The following EEA1 variants were observed in gnomAD, a reference collection of about 807,000 sequenced individuals.
EEA1 encodes early endosome antigen 1, also known as early endosome antigen 1, 162kD.
EEA1 carries 111 observed loss-of-function variants against 209.2 expected under a neutral mutation model. That is an observed-to-expected ratio of 0.53 (90% CI 0.45 to 0.62). The LOEUF (loss-of-function observed/expected upper bound fraction) is 0.62. Among genes scored for constraint, EEA1 ranks in the 20% least tolerant of loss-of-function variants. EEA1 has a pLI of 0.00. For missense variants in EEA1, 1,343 were observed against 1,530.8 expected, an observed-to-expected ratio of 0.88 and a Z score of 2.05; for synonymous variants, 536 against 540.6, an observed-to-expected ratio of 0.99 and a Z score of 0.12.
rs571486656 is a variant in EEA1 at position 92,911,971 on chromosome 12, T to C, written c.24+17072A>G. Among the ~76,000 whole-genome samples, 3 of 152,356 alleles carry C rather than the reference T, an allele frequency of 2.0e-5. No individual in the cohort carries two copies. In the South Asian group the frequency reaches 6.2e-4, roughly 32 times the overall value. On this transcript the variant is annotated intron_variant, in intron 1 of 28. Coordinates refer to ENST00000322349, the MANE Select transcript of EEA1 (RefSeq NM_003566.4). ...TTAAGTCTTTATCCTGCCTTCCAAG[T>C]ATGCACTGAAATTTGGGATAACCAA... is the stretch of plus-strand genomic sequence containing the variant.
chr12:92,823,267 T>C (rs1172678630), intron 13 of EEA1, among the ~76,000 whole-genome samples: 1 of 152,196 alleles, frequency 6.6e-6, no homozygotes, highest in East Asian at 1.9e-4. Flanking sequence ...AATCTTTCCA[T>C]CTTGAAATAT....
intron 2 of EEA1, among the ~76,000 whole-genome samples, chr12:92,875,421 G>A (rs753284550): frequency 2.0e-5 from 3 of 152,140 alleles, no homozygotes; most frequent in African/African-American, 7.2e-5. Flanking sequence ...GGGCGACAGA[G>A]TGATACTCTG....
In EEA1 at chr12:92,827,657, T is replaced by C. The variant is rs192221027; in HGVS notation, c.1404+255A>G. ...GAGTAGGAAGACTCTAGCAGCCTGA[T>C]GGGTTCACCCCCAGAATTTTTCCTG... On this transcript the variant is annotated intron_variant, in intron 12 of 28. Coordinates refer to ENST00000322349, the MANE Select transcript of EEA1 (RefSeq NM_003566.4). Among the ~76,000 whole-genome samples, 5 of 152,238 alleles carry C rather than the reference T, an allele frequency of 3.3e-5. No homozygotes were observed. In the South Asian group the frequency reaches 8.3e-4, roughly 25 times the overall value.
At chr12:92,858,504 G>T in intron 3 of EEA1, 1 of 895,486 alleles carries the variant, frequency 1.1e-6, no homozygotes. Flanking sequence ...GTTTGGCTAC[G>T]CCACTGATGA....
chr12:92,797,174 GC>G (rs767092351), intron 21 of EEA1, among the ~76,000 whole-genome samples: 1 of 152,194 alleles, frequency 6.6e-6, no homozygotes, highest in Non-Finnish European at 1.5e-5. Flanking sequence ...TGCAACCTCT[GC>G]CTCTGGGGTT....
chr12:92,819,433 T>A lies in EEA1; in HGVS notation c.1603A>T (p.Ser535Cys), dbSNP rs760809896. 2 of 1,612,558 alleles carry A rather than the reference T, an allele frequency of 1.2e-6. No individual in the cohort carries two copies. Among genetic ancestry groups the A allele is most frequent in the African/African-American group, 2.7e-5 (2 of 74,984 alleles). Residue 535 changes from serine to cysteine, a missense_variant, in exon 14 of 29, where the codon AGT (serine) becomes TGT (cysteine). Physicochemically the swap from Ser to Cys is moderately radical, Grantham distance 112. Coordinates refer to ENST00000322349, the MANE Select transcript of EEA1 (RefSeq NM_003566.4). ...TCTAGTAATGAAATATTTTCTTTAC[T>A]CTTCTGTAATAAAGCTTCAAGGTTC... ...IQNLEALLQK[S>C]KENISLLEKE...
At chr12:92,778,204 GA>G (rs1362374651) in intron 25 of EEA1, 25 bp from the exon 26 acceptor site, 6 of 1,569,010 alleles carry the variant, frequency 3.8e-6, no homozygotes, top group Non-Finnish European at 5.2e-6. Flanking sequence ...AAGTTGGGGG[GA>G]AATCTATTAC....
intron 1 of EEA1, among the ~76,000 whole-genome samples, chr12:92,911,338 CTT>C (rs138458062): frequency 4.1e-4 from 63 of 152,250 alleles, no homozygotes; most frequent in African/African-American, 1.5e-3. Flanking sequence ...AATGAAGAAA[CTT>C]AAACATATAT....
At chr12:92,874,397 G>A (rs912235072) in intron 2 of EEA1, among the ~76,000 whole-genome samples, 5 of 152,182 alleles carry the variant, frequency 3.3e-5, no homozygotes, top group Non-Finnish European at 5.9e-5. Flanking sequence ...ACAGAGTCTC[G>A]CTCTGTCACC....
At chr12:92,904,374 T>C (rs1265586614) in intron 1 of EEA1, among the ~76,000 whole-genome samples, 2 of 152,204 alleles carry the variant, frequency 1.3e-5, no homozygotes, top group African/African-American at 4.8e-5. Flanking sequence ...ACAGACCAAC[T>C]AAAGGAAAAC....
chr12:92,834,918 C>T (rs146445102), intron 10 of EEA1, among the ~76,000 whole-genome samples: 12,928 of 151,338 alleles, frequency 0.085, 634 homozygotes, highest in Non-Finnish European at 0.098. Context: ...CTCACTCTGT[C>T]GCCCAGACTG....
chr12:92,879,422 G>A (rs1054965393), intron 2 of EEA1: 7 of 412,350 alleles, frequency 1.7e-5, no homozygotes, highest in Non-Finnish European at 3.3e-5. Flanking sequence ...AGAAACAAGA[G>A]TAGATCAACA....
intron 22 of EEA1, among the ~76,000 whole-genome samples, chr12:92,787,364 A>G (rs762376478): frequency 1.1e-4 from 17 of 152,144 alleles, no homozygotes; most frequent in Non-Finnish European, 2.1e-4. Flanking sequence ...ATCTAATCAA[A>G]TAACATTACC....
chr12:92,857,033 A>G (rs529922663), intron 5 of EEA1, among the ~76,000 whole-genome samples: 1 of 151,976 alleles, frequency 6.6e-6, no homozygotes, highest in African/African-American at 2.4e-5. Flanking sequence ...CAGCCTCCCA[A>G]AGTGCTGGGA....
chr12:92,860,827 TG>T (rs778244035), intron 3 of EEA1, among the ~76,000 whole-genome samples: 7 of 151,870 alleles, frequency 4.6e-5, no homozygotes, highest in Non-Finnish European at 7.4e-5. Context: ...TATATATGTC[TG>T]GTTCTCAATT....
intron 19 of EEA1, 111 bp from the exon 20 acceptor site, chr12:92,801,812 G>T: frequency 1.6e-6 from 1 of 620,116 alleles, no homozygotes; most frequent in Non-Finnish European, 2.5e-6. Flanking sequence ...AAATTATGAT[G>T]AGCTAAGATG....
chr12:92,777,517 C>T (rs1873706550), intron 27 of EEA1, 26 bp downstream of exon 27: 2 of 1,578,350 alleles, frequency 1.3e-6, no homozygotes, highest in Non-Finnish European at 1.7e-6. Context: ...GACTAAAAAA[C>T]TGCTTCATAT....
chr12:92,914,476 G>A (rs34396900), intron 1 of EEA1, among the ~76,000 whole-genome samples: 2,826 of 152,012 alleles, frequency 0.019, 97 homozygotes, highest in African/African-American at 0.063. Flanking sequence ...GGTTCCACAC[G>A]AATTTTAGAA....
chr12:92,822,496 C>T (rs1053432885), intron 13 of EEA1, among the ~76,000 whole-genome samples: 4 of 152,082 alleles, frequency 2.6e-5, no homozygotes, highest in African/African-American at 4.8e-5. Context: ...TACTGAGCAT[C>T]GCCACCACAC....
Sources: allele counts gnomAD v4.1 joint callset (sites outside exome capture counted in the v4.1 genomes callset), GRCh38; gene constraint gnomAD v4.1.1; transcripts MANE v1.5; gene names NCBI Gene and HGNC (gene_info 2026-07-23, HGNC 2026-07-21).